DLG2: variants seen among roughly 807,000 people sequenced by gnomAD.
The protein encoded by DLG2 is disks large homolog 2.
A neutral mutation model predicts 132.5 loss-of-function variants in DLG2; 45 were observed. The ratio of observed to expected loss-of-function variants is 0.34; its 90% confidence interval spans 0.27 to 0.44. DLG2 has a LOEUF of 0.44. Ranked by LOEUF, DLG2 falls within the 20% of genes least tolerant of loss-of-function variation. DLG2 has a pLI of 1.00. For synonymous variants in DLG2, 424 were observed against 419.6 expected (o/e 1.01, Z -0.13); for missense variants, 1,045 against 1,196.9 (o/e 0.87, Z 1.87).
intron 18 of DLG2, among the ~76,000 whole-genome samples, chr11:83,670,143 T>C (rs1304438342): frequency 1.3e-5 from 2 of 152,084 alleles, no homozygotes; most frequent in East Asian, 3.8e-4. Flanking sequence ...GGATTAGGAG[T>C]AAACAGATGT....
At position 84,657,951 on chromosome 11, in the gene DLG2, T is replaced by G. The variant is rs550247301; in HGVS notation, c.358-123220A>C. Among the ~76,000 whole-genome samples, 4 of 152,316 alleles carry G rather than the reference T, an allele frequency of 2.6e-5. No homozygotes were observed. In the South Asian group the frequency reaches 8.3e-4, roughly 32 times the overall value. ...CTCTCGACCTTTTTAGTTGGGCATA[T>G]AACCATATATAATAAAGATGACATT... On this transcript the variant is annotated intron_variant, in intron 6 of 27. Coordinates refer to ENST00000376104, the MANE Select transcript of DLG2 (RefSeq NM_001142699.3).
Position 83,471,648 on chromosome 11 carries a change from A to T in DLG2, c.2424T>A (p.Asp808Glu). 1.2e-6 allele frequency: 2 copies of T among 1,613,162 alleles called. No homozygotes were observed. The highest frequency in any genetic ancestry group is 1.1e-5 in the South Asian group (1 of 91,046). Residue 808 changes from aspartate (D) to glutamate (E), a missense_variant, in exon 24 of 28, where the codon GAT becomes GAA. This residue lies in a region of DLG2 where 398 missense variants were observed against 543.6 expected (regional missense o/e 0.73). Transcript: ENST00000376104. ...TACGAGGCACACAGGAGCCAAATTT[A>T]TCAGGGAATTCAGATATCAAGTCGT... ...INDDLISEFP[D>E]KFGSCVPHTT... is the part of the protein sequence containing the mutation.
At chr11:85,291,430 A>G (rs563119858) in intron 3 of DLG2, among the ~76,000 whole-genome samples, 1 of 152,224 alleles carries the variant, frequency 6.6e-6, no homozygotes, top group African/African-American at 2.4e-5. Context: ...TATTATGGGA[A>G]CAATAGCAGT....
At chr11:83,526,250 A>G (rs931575347) in intron 21 of DLG2, among the ~76,000 whole-genome samples, 7 of 152,160 alleles carry the variant, frequency 4.6e-5, no homozygotes, top group Non-Finnish European at 8.8e-5. Flanking sequence ...CTCTTTAGAA[A>G]TGGTTTCCTA....
At chr11:85,523,547 T>A (rs978075211) in intron 3 of DLG2, among the ~76,000 whole-genome samples, 1 of 152,120 alleles carries the variant, frequency 6.6e-6, no homozygotes, top group African/African-American at 2.4e-5. Context: ...TCTCCCCCAT[T>A]AAAATGGCTT....
chr11:84,268,242 G>A (rs773630818), intron 7 of DLG2, among the ~76,000 whole-genome samples: 4 of 151,814 alleles, frequency 2.6e-5, no homozygotes, highest in Non-Finnish European at 4.4e-5. Context: ...TCCATCTCAC[G>A]CAGATGGATC....
intron 18 of DLG2, among the ~76,000 whole-genome samples, chr11:83,686,337 C>G (rs903686576): frequency 6.6e-6 from 1 of 152,086 alleles, no homozygotes; most frequent in African/African-American, 2.4e-5. Flanking sequence ...ATCTCTCCCT[C>G]TTATTAGACT....
intron 3 of DLG2, among the ~76,000 whole-genome samples, chr11:85,357,400 G>T (rs546608764): frequency 6.7e-6 from 1 of 150,288 alleles, no homozygotes; most frequent in African/African-American, 2.4e-5. Flanking sequence ...CACCGTGTTA[G>T]CCAGGATGGT....
At chr11:84,026,750 C>A (rs554798804) in intron 11 of DLG2, among the ~76,000 whole-genome samples, 9 of 152,138 alleles carry the variant, frequency 5.9e-5, no homozygotes, top group African/African-American at 1.9e-4. Flanking sequence ...AATAATCCAT[C>A]TAATGGAACA....
chr11:85,352,763 C>T (rs1427945245), intron 3 of DLG2, among the ~76,000 whole-genome samples: 16 of 152,086 alleles, frequency 1.1e-4, no homozygotes, highest in Admixed American at 1.0e-3. Flanking sequence ...ATAAATGGTG[C>T]TGGGAAAACT....
intron 3 of DLG2, among the ~76,000 whole-genome samples, chr11:85,481,787 C>T (rs1178308516): frequency 6.6e-6 from 1 of 152,064 alleles, no homozygotes; most frequent in Non-Finnish European, 1.5e-5. Context: ...AGTCATTGGG[C>T]CAGAACCTAT....
At chr11:84,484,618 C>T (rs751677205) in intron 7 of DLG2, among the ~76,000 whole-genome samples, 27 of 152,112 alleles carry the variant, frequency 1.8e-4, no homozygotes, top group Non-Finnish European at 2.9e-4. Context: ...TATTCATCTC[C>T]AGCAGTATCT....
At chr11:83,543,514 T>G (rs1385432829) in intron 19 of DLG2, among the ~76,000 whole-genome samples, 1 of 152,142 alleles carries the variant, frequency 6.6e-6, no homozygotes, top group Non-Finnish European at 1.5e-5. Flanking sequence ...CTGCTCCTAC[T>G]ATGTCTTAGT....
intron 7 of DLG2, among the ~76,000 whole-genome samples, chr11:84,488,778 A>G (rs2099157260): frequency 6.6e-6 from 1 of 152,148 alleles, no homozygotes; most frequent in African/African-American, 2.4e-5. Context: ...TTTTCAAAAG[A>G]CCTGGTAAAA....
At chr11:83,479,130 T>C (rs886076124) in intron 22 of DLG2, among the ~76,000 whole-genome samples, 3 of 151,932 alleles carry the variant, frequency 2.0e-5, no homozygotes, top group African/African-American at 4.8e-5. Flanking sequence ...GTGGTTCCTA[T>C]ATCAATCTAA....
chr11:84,317,194 T>G lies in DLG2; in HGVS notation c.520-65903A>C. Reference sequence around the variant, plus strand: ...CTTTGGTCAGCTCTGCACAGAAATGTCTCCTCCCTCACACCCCTTTCTTCC... The same window carrying G: ...CTTTGGTCAGCTCTGCACAGAAATGGCTCCTCCCTCACACCCCTTTCTTCC... On this transcript the variant is annotated intron_variant, in intron 7 of 27. Coordinates refer to ENST00000376104, the MANE Select transcript of DLG2 (RefSeq NM_001142699.3). The G allele has an allele frequency of 1.9e-6, 3 of 1,554,660 alleles. No homozygotes were observed. The East Asian group carries it at 6.8e-5, about 35-fold the overall frequency.
intron 3 of DLG2, among the ~76,000 whole-genome samples, chr11:85,577,720 T>C (rs1488093859): frequency 6.6e-6 from 1 of 151,786 alleles, no homozygotes; most frequent in Non-Finnish European, 1.5e-5. Flanking sequence ...AAAAATGAGG[T>C]AAGGAAATCA....
At position 83,546,495 on chromosome 11, in the gene DLG2, G is replaced by A. The variant is rs572383360; in HGVS notation, c.1941-4637C>T. Among the ~76,000 whole-genome samples, 192 of 152,154 alleles carry A rather than the reference G, an allele frequency of 1.3e-3. 1 individual carries two copies. The Middle Eastern group carries it at 0.017, about 13-fold the overall frequency. On this transcript the variant is annotated intron_variant, in intron 19 of 27. Coordinates refer to ENST00000376104, the MANE Select transcript of DLG2 (RefSeq NM_001142699.3). ...AGGGTGCTGCGGAGATACGACAATG[G>A]GATGACACATGTAAAGTACCCAACA...
intron 6 of DLG2, among the ~76,000 whole-genome samples, chr11:85,045,210 G>A (rs1430149853): frequency 6.6e-6 from 1 of 151,994 alleles, no homozygotes; most frequent in African/African-American, 2.4e-5. Flanking sequence ...TTGAGAAAAG[G>A]GGAGGGTGGA....
Sources: gnomAD v4.1 joint callset for allele counts (sites outside exome capture counted in the v4.1 genomes callset) on GRCh38, gnomAD v4.1.1 for gene constraint, gnomAD v4.1.1 regional missense constraint, MANE v1.5 for transcripts, NCBI Gene and HGNC (gene_info 2026-07-23, HGNC 2026-07-21) for gene names.